NLGN4Y: variants seen among roughly 807,000 people sequenced by gnomAD.
The protein encoded by NLGN4Y is neuroligin-4, Y-linked.
A neutral mutation model predicts 8.4 loss-of-function variants in NLGN4Y; 4 were observed. That is an observed-to-expected ratio of 0.48 (90% CI 0.23 to 1.09). The LOEUF (loss-of-function observed/expected upper bound fraction) is 1.09, where lower values mean the gene tolerates loss of function less well. Ranked by LOEUF, NLGN4Y falls within the 50% of genes least tolerant of loss-of-function variation. The pLI is 0.19. For synonymous variants in NLGN4Y, 35 were observed against 75.6 expected (o/e 0.46, Z 2.78); for missense variants, 90 against 192.3 (o/e 0.47, Z 3.15).
intron 4 of NLGN4Y, among the ~76,000 whole-genome samples, chrY:14,781,281 A>G: frequency 2.9e-5 from 1 of 34,183 alleles, no homozygotes; most frequent in Non-Finnish European, 7.3e-5. Context: ...TTCATTGTCA[A>G]GAAAGAAACA....
At chrY:14,815,946 T>C (rs773604804) in intron 4 of NLGN4Y, among the ~76,000 whole-genome samples, 32 of 33,551 alleles carry the variant, frequency 9.5e-4, no homozygotes, top group African/African-American at 3.4e-3. Flanking sequence ...AGTGCCCTAT[T>C]CTTTCTTCTC....
intron 5 of NLGN4Y, among the ~76,000 whole-genome samples, chrY:14,828,281 A>ATG (rs2043156466): frequency 3.2e-5 from 1 of 30,835 alleles, no homozygotes; most frequent in Non-Finnish European, 7.7e-5. Flanking sequence ...GTATATATAT[A>ATG]TGTGTGTGTG....
At chrY:14,612,084 A>G in intron 1 of NLGN4Y, among the ~76,000 whole-genome samples, 1 of 33,571 alleles carries the variant, frequency 3.0e-5, no homozygotes, top group South Asian at 6.7e-4. Context: ...CGATTCAGCT[A>G]TTGGTACTTG....
intron 4 of NLGN4Y, among the ~76,000 whole-genome samples, chrY:14,803,302 A>C: frequency 3.7e-5 from 1 of 27,214 alleles, no homozygotes; most frequent in East Asian, 8.8e-4. Flanking sequence ...TAAGTATAAT[A>C]CATATATTAT....
intron 5 of NLGN4Y, 24 bp downstream of exon 5, chrY:14,824,397 G>A: frequency 2.5e-6 from 1 of 393,048 alleles, no homozygotes; most frequent in Non-Finnish European, 3.6e-6. Flanking sequence ...CCCCGGGGTG[G>A]GTGGGCAAAT....
At chrY:14,748,805 T>C in intron 4 of NLGN4Y, 2 of 115,123 alleles carry the variant, frequency 1.7e-5, no homozygotes, top group Admixed American at 2.9e-4. Flanking sequence ...GATTATGCTA[T>C]AGGGAGAAAG....
At chrY:14,823,010 T>C (rs749925723) in intron 4 of NLGN4Y, among the ~76,000 whole-genome samples, 1 of 33,086 alleles carries the variant, frequency 3.0e-5, no homozygotes, top group Non-Finnish European at 7.4e-5. Flanking sequence ...TGGAATTTAT[T>C]GTCATTGTAG....
intron 4 of NLGN4Y, among the ~76,000 whole-genome samples, chrY:14,815,279 G>A: frequency 3.0e-5 from 1 of 33,226 alleles, no homozygotes; most frequent in Non-Finnish European, 7.4e-5. Flanking sequence ...AGAAAAAACC[G>A]TTTTGTATCT....
chrY:14,567,542 T>A, intron 1 of NLGN4Y, among the ~76,000 whole-genome samples: 1 of 27,594 alleles, frequency 3.6e-5, no homozygotes, highest in Non-Finnish European at 8.5e-5. Context: ...TTTTTTTTTT[T>A]ATTGTAACAG....
chrY:14,777,675 CAGAG>C, intron 4 of NLGN4Y, among the ~76,000 whole-genome samples: 1 of 28,932 alleles, frequency 3.5e-5, no homozygotes, highest in Admixed American at 3.4e-4. Context: ...GAGAGATAGA[CAGAG>C]AGAGACAGAG....
intron 2 of NLGN4Y, among the ~76,000 whole-genome samples, chrY:14,635,362 G>A: frequency 3.1e-5 from 1 of 32,559 alleles, no homozygotes; most frequent in Non-Finnish European, 7.5e-5. Flanking sequence ...TGGGTATGCA[G>A]AGAGATCTAA....
Position 14,844,801 on chromosome Y carries a change from T to G in NLGN4Y, c.*3539T>G. 3 of 33,912 alleles carry G rather than the reference T, an allele frequency of 8.8e-5. No individual in the cohort carries two copies. The highest frequency in any genetic ancestry group is 3.4e-4 in the African/African-American group (3 of 8,701). The allele number at this position is 33,912 out of a possible 400,897, so 8.5% of individuals were successfully genotyped here. ...GCATATATGTATATATGTACATGTATGTGTACATTATATATGAGTATACAT... is the reference window on the plus strand; with the variant it reads ...GCATATATGTATATATGTACATGTAGGTGTACATTATATATGAGTATACAT... On this transcript the variant is annotated 3_prime_UTR_variant, in exon 7 of 7. Coordinates refer to ENST00000684976, the MANE Select transcript of NLGN4Y (RefSeq NM_001365588.1).
At chrY:14,728,915 T>C in intron 4 of NLGN4Y, among the ~76,000 whole-genome samples, 1 of 33,481 alleles carries the variant, frequency 3.0e-5, no homozygotes, top group Admixed American at 2.7e-4. Context: ...TTTCATATTA[T>C]CTATATTGTA....
intron 4 of NLGN4Y, among the ~76,000 whole-genome samples, chrY:14,821,480 G>C: frequency 3.0e-5 from 1 of 33,648 alleles, no homozygotes; most frequent in African/African-American, 1.2e-4. Context: ...GGTTATTATA[G>C]AGTGCAGATT....
chrY:14,552,744 T>C, intron 1 of NLGN4Y, among the ~76,000 whole-genome samples: 2 of 33,496 alleles, frequency 6.0e-5, no homozygotes, highest in Admixed American at 5.5e-4. Context: ...CTAAAAATCC[T>C]CAATAAACTA....
At chrY:14,725,161 T>C (rs2080952040) in intron 4 of NLGN4Y, among the ~76,000 whole-genome samples, 3 of 33,612 alleles carry the variant, frequency 8.9e-5, no homozygotes, top group Non-Finnish European at 2.2e-4. Flanking sequence ...ATATAGGTGC[T>C]TTCAGATGCT....
intron 4 of NLGN4Y, among the ~76,000 whole-genome samples, chrY:14,784,659 C>CA (rs377591643): frequency 0.03 from 238 of 7,988 alleles, no homozygotes; most frequent in African/African-American, 0.041. Flanking sequence ...GAATCCGTCT[C>CA]AAAAAAAAAA....
intron 2 of NLGN4Y, among the ~76,000 whole-genome samples, chrY:14,630,606 A>C: frequency 3.0e-5 from 1 of 33,567 alleles, no homozygotes; most frequent in Non-Finnish European, 7.3e-5. Context: ...ATCACCCTTT[A>C]ATATGATTTG....
chrY:14,798,611 A>T, intron 4 of NLGN4Y: 1 of 33,750 alleles, frequency 3.0e-5, no homozygotes, highest in African/African-American at 1.1e-4. Context: ...CTACTATTTG[A>T]AATATATTAC....
Sources: allele counts gnomAD v4.1 joint callset (sites outside exome capture counted in the v4.1 genomes callset), GRCh38; gene constraint gnomAD v4.1.1; transcripts MANE v1.5; gene names NCBI Gene and HGNC (gene_info 2026-07-23, HGNC 2026-07-21).